PTER: variants seen among roughly 807,000 people sequenced by gnomAD.
PTER encodes the protein phosphotriesterase related, also known as N-acetyltaurine hydrolase.
PTER carries 38 observed loss-of-function variants against 29.6 expected under a neutral mutation model. The ratio of observed to expected loss-of-function variants is 1.28; its 90% confidence interval spans 0.99 to 1.68. The LOEUF is 1.68. Ranked by LOEUF, PTER falls within the 40% of genes most tolerant of loss-of-function variation. The pLI, the probability that PTER is intolerant of heterozygous loss-of-function variation, is 0.00. For synonymous variants in PTER, 172 were observed against 154.5 expected (o/e 1.11, Z -0.84); for missense variants, 482 against 427.8 (o/e 1.13, Z -1.12).
At chr10:16,487,335 T>C (rs1320499255) in intron 3 of PTER, among the ~76,000 whole-genome samples, 1 of 152,222 alleles carries the variant, frequency 6.6e-6, no homozygotes, top group East Asian at 1.9e-4. Context: ...GCTTCTTCCA[T>C]AGCCTCAGAT....
At chr10:16,459,850 C>T (rs947795599) in intron 1 of PTER, among the ~76,000 whole-genome samples, 1 of 152,130 alleles carries the variant, frequency 6.6e-6, no homozygotes, top group East Asian at 1.9e-4. Flanking sequence ...CGGGTTCAAC[C>T]GAGTCTCCTG....
At chr10:16,472,122 C>G (rs571683761) in intron 1 of PTER, among the ~76,000 whole-genome samples, 21 of 152,212 alleles carry the variant, frequency 1.4e-4, no homozygotes, top group Admixed American at 4.6e-4. Context: ...CTTTTAAGGA[C>G]TAAGTTACCA....
chr10:16,495,097 G>T (rs1297858504), intron 3 of PTER, among the ~76,000 whole-genome samples: 1 of 151,356 alleles, frequency 6.6e-6, no homozygotes, highest in Non-Finnish European at 1.5e-5. Context: ...ATTCCACATA[G>T]CTGTACAAAT....
rs990834810 is a variant in PTER, at chr10:16,513,285, C to G, written c.*2029C>G. The G allele has an allele frequency of 7.2e-5, 11 of 152,356 alleles. No individual in the cohort carries two copies. The highest frequency in any genetic ancestry group is 1.6e-4 in the Non-Finnish European group (11 of 67,944). The allele number at this position is 152,356 out of a possible 1,614,324, so 9.4% of individuals were successfully genotyped here. On this transcript the variant is annotated 3_prime_UTR_variant, in exon 5 of 5. Coordinates refer to ENST00000535784, the MANE Select transcript of PTER (RefSeq NM_001261836.2). Reference sequence around the variant, plus strand: ...TTGTCATTCAAAATATATTTTAACCCAAAATAAGTTAAATAATTTGTGCAT... The same window carrying G: ...TTGTCATTCAAAATATATTTTAACCGAAAATAAGTTAAATAATTTGTGCAT...
At chr10:16,450,488 C>G (rs1297236154) in intron 1 of PTER, among the ~76,000 whole-genome samples, 1 of 152,226 alleles carries the variant, frequency 6.6e-6, no homozygotes, top group Non-Finnish European at 1.5e-5. Flanking sequence ...TCTGGGTCAT[C>G]CCACATGTCC....
chr10:16,495,328 G>A (rs969599524), intron 3 of PTER, among the ~76,000 whole-genome samples: 2 of 151,942 alleles, frequency 1.3e-5, no homozygotes, highest in Admixed American at 6.6e-5. Context: ...GCACTACCAC[G>A]CTCAGCCAAT....
downstream of PTER, among the ~76,000 whole-genome samples, chr10:16,518,316 T>TA (rs550566189): frequency 7.3e-5 from 11 of 151,486 alleles, no homozygotes; most frequent in Non-Finnish European, 1.5e-4. Context: ...CACACTGAAC[T>TA]AAAAAAAAAT....
At position 16,512,536 on chromosome 10, in the gene PTER, C is replaced by T. The variant is rs1003705413; in HGVS notation, c.*1280C>T. ...AAAAATCATGACAGTTACTCAGACC[C>T]AGGCATTTCAACAGAGCTAACACCA... On this transcript the variant is annotated 3_prime_UTR_variant, in exon 5 of 5. Coordinates refer to ENST00000535784, the MANE Select transcript of PTER (RefSeq NM_001261836.2). 5 of 152,020 alleles carry T rather than the reference C, an allele frequency of 3.3e-5. No individual in the cohort carries two copies. Among genetic ancestry groups the T allele is most frequent in the African/African-American group, 1.2e-4 (5 of 41,402 alleles). The allele number at this position is 152,020 out of a possible 1,614,324, so 9.4% of individuals were successfully genotyped here. A position where few individuals can be genotyped will look rare whatever the true frequency, so the allele number is the denominator to read the frequency against.
chr10:16,513,359 G>A lies in PTER; in HGVS notation c.*2103G>A, dbSNP rs143380868. ...CACTTTTTTATATTAAAATTTTGAG[G>A]CTATACAGCCACTGTGCCCTGTGGA... is the stretch of plus-strand genomic sequence containing the variant. On this transcript the variant is annotated 3_prime_UTR_variant, in exon 5 of 5. Coordinates refer to ENST00000535784, the MANE Select transcript of PTER (RefSeq NM_001261836.2). The A allele has an allele frequency of 6.2e-4, 94 of 152,278 alleles. No homozygotes were observed. The East Asian group carries it at 0.015, about 24-fold the overall frequency. 9.4% of individuals were successfully genotyped at this position (152,278 alleles called of 1,614,324 possible).
chr10:16,441,082 G>A (rs12572781), intron 1 of PTER, among the ~76,000 whole-genome samples: 95,538 of 152,060 alleles, frequency 0.63, 31,168 homozygotes, highest in East Asian at 0.8. Context: ...CAAAAATGGC[G>A]TTTAGATGTT....
chr10:16,472,504 T>C (rs1490456760), intron 1 of PTER, among the ~76,000 whole-genome samples: 1 of 152,218 alleles, frequency 6.6e-6, no homozygotes, highest in African/African-American at 2.4e-5. Context: ...TCTTGCCTGC[T>C]GCCATGTAAG....
intron 3 of PTER, among the ~76,000 whole-genome samples, chr10:16,499,197 G>A (rs994761578): frequency 6.6e-6 from 1 of 152,138 alleles, no homozygotes; most frequent in African/African-American, 2.4e-5. Context: ...AGGATTAAAT[G>A]AGCTGGGGCT....
At chr10:16,482,987 G>A (rs979214607) in intron 1 of PTER, among the ~76,000 whole-genome samples, 2 of 152,158 alleles carry the variant, frequency 1.3e-5, no homozygotes, top group African/African-American at 4.8e-5. Context: ...TCACCATGTT[G>A]GCCAGGCTGG....
intron 1 of PTER, among the ~76,000 whole-genome samples, chr10:16,477,924 G>A (rs986434851): frequency 1.3e-5 from 2 of 152,176 alleles, no homozygotes; most frequent in Non-Finnish European, 2.9e-5. Flanking sequence ...TTTCTGGGAG[G>A]CAACCTATGA....
chr10:16,442,308 T>C (rs1364012966), intron 1 of PTER, among the ~76,000 whole-genome samples: 1 of 152,240 alleles, frequency 6.6e-6, no homozygotes, highest in Non-Finnish European at 1.5e-5. Flanking sequence ...ACATGTCTCA[T>C]CTCCTACATT....
At chr10:16,443,782 A>G (rs1047777651) in intron 1 of PTER, among the ~76,000 whole-genome samples, 23 of 152,204 alleles carry the variant, frequency 1.5e-4, no homozygotes, top group African/African-American at 5.5e-4. Context: ...TCCTCTCCGA[A>G]TCAGAAACTT....
At chr10:16,481,148 T>C (rs979362745) in intron 1 of PTER, among the ~76,000 whole-genome samples, 1 of 152,246 alleles carries the variant, frequency 6.6e-6, no homozygotes, top group Admixed American at 6.5e-5. Context: ...AACAGAACTT[T>C]TGACCCATGT....
intron 1 of PTER, among the ~76,000 whole-genome samples, chr10:16,459,014 A>T (rs1405954803): frequency 6.6e-6 from 1 of 152,208 alleles, no homozygotes; most frequent in East Asian, 1.9e-4. Flanking sequence ...GTGCAAAGGG[A>T]AAAAAGATTT....
chr10:16,468,976 TA>T (rs56959068), intron 1 of PTER, among the ~76,000 whole-genome samples: 19,187 of 147,690 alleles, frequency 0.13, 1,484 homozygotes, highest in South Asian at 0.26. Flanking sequence ...CCCTGTCTCT[TA>T]AAAAAAAAAG....
Sources: gnomAD v4.1 joint callset for allele counts (sites outside exome capture counted in the v4.1 genomes callset) on GRCh38, gnomAD v4.1.1 for gene constraint, MANE v1.5 for transcripts, NCBI Gene and HGNC (gene_info 2026-07-23, HGNC 2026-07-21) for gene names.